The following ANGEL1 variants were observed in gnomAD, a reference collection of about 807,000 sequenced individuals.
ANGEL1 encodes angel homolog 1, also known as RNA 2',3'-cyclic phosphatase ANGEL1.
A neutral mutation model predicts 76.4 loss-of-function variants in ANGEL1; 62 were observed. That is an observed-to-expected ratio of 0.81 (90% CI 0.66 to 1.00). The LOEUF is 1.00. Among genes scored for constraint, ANGEL1 ranks in the 50% least tolerant of loss-of-function variants. The pLI is 0.00. For missense variants in ANGEL1, 737 were observed against 836.7 expected (o/e 0.88, Z 1.47); for synonymous variants, 340 against 331.7 (o/e 1.03, Z -0.27).
At chr14:76,791,116 G>A (rs1025144301) in intron 8 of ANGEL1, among the ~76,000 whole-genome samples, 181 bp downstream of exon 8, 3 of 152,166 alleles carry the variant, frequency 2.0e-5, no homozygotes, top group African/African-American at 7.2e-5. Context: ...AGTAACATGG[G>A]TGGGTCACCT....
chr14:76,804,569 C>G (rs1329528527), intron 5 of ANGEL1: 4 of 509,138 alleles, frequency 7.9e-6, no homozygotes, highest in Non-Finnish European at 1.0e-5. Context: ...GATAGAGCAG[C>G]AATAGACAGA....
intron 5 of ANGEL1, among the ~76,000 whole-genome samples, chr14:76,805,462 G>A (rs547168761): frequency 1.1e-4 from 16 of 152,266 alleles, no homozygotes; most frequent in Admixed American, 2.6e-4. Flanking sequence ...TCCCATGTGC[G>A]CAACAGTAAT....
chr14:76,807,971 T>TTAA lies in ANGEL1; in HGVS notation c.826_827insTTA (p.Trp275_Asn276insIle), dbSNP rs771820919. 5 of 1,614,066 alleles carry TTAA rather than the reference T, an allele frequency of 3.1e-6. No individual in the cohort carries two copies. Among genetic ancestry groups the TTAA allele is most frequent in the Non-Finnish European group, 4.2e-6 (5 of 1,180,044 alleles). On this transcript the variant is annotated inframe_insertion, in exon 3 of 10. Coordinates refer to ENST00000251089, the MANE Select transcript of ANGEL1 (RefSeq NM_015305.4). ...CTGCATGAGGTTCACGAAGCGATAG[T>TTAA]TCCAATTGAGGATGTCTGGATGGCA...
At chr14:76,795,910 C>T (rs946196482) in intron 7 of ANGEL1, among the ~76,000 whole-genome samples, 4 of 152,210 alleles carry the variant, frequency 2.6e-5, no homozygotes, top group African/African-American at 9.6e-5. Context: ...AAGCAACCAA[C>T]TCTTAAGAAT....
rs1161085962 is a variant in ANGEL1, at chr14:76,806,353, T to C, written c.1380+63A>G. ...GTCCCTGCCACAGAAGAAGCACTGA[T>C]GCTAACGCCTGAATCTCTCTTAGAC... is the stretch of plus-strand genomic sequence containing the variant. On this transcript the variant is annotated intron_variant, in intron 5 of 9. Coordinates refer to ENST00000251089, the MANE Select transcript of ANGEL1 (RefSeq NM_015305.4). 3.9e-6 allele frequency: 6 copies of C among 1,528,792 alleles called. No individual in the cohort carries two copies. The East Asian group carries it at 9.1e-5, about 23-fold the overall frequency. The allele number at this position is 1,528,792 out of a possible 1,614,324, so 94.7% of individuals were successfully genotyped here.
At chr14:76,792,794 A>G (rs933665536) in intron 7 of ANGEL1, among the ~76,000 whole-genome samples, 1 of 152,232 alleles carries the variant, frequency 6.6e-6, no homozygotes, top group Non-Finnish European at 1.5e-5. Flanking sequence ...ATCATACTTA[A>G]TGGTGAAAGA....
chr14:76,789,378 C>T lies in ANGEL1; in HGVS notation c.1863G>A (p.Leu621=), dbSNP rs1229820239. The T allele has an allele frequency of 6.2e-7, 1 of 1,614,162 alleles. No individual in the cohort carries two copies. Among genetic ancestry groups the T allele is most frequent in the Non-Finnish European group, 8.5e-7 (1 of 1,180,014 alleles). ...GGAGCTTGAGAGTTCCATCTCGATA[C>T]AGCCTGTGATCTGGGGCACAAAGCA... ...CENGNRTDHR[L]YRDGTLKLLG... Residue 621 remains leucine, a synonymous_variant, in exon 10 of 10, where the codon CTG becomes CTA. Coordinates refer to ENST00000251089, the MANE Select transcript of ANGEL1 (RefSeq NM_015305.4).
Position 76,791,286 on chromosome 14 carries a change from GAGA to G in ANGEL1, c.1688+8_1688+10del, listed in dbSNP as rs760371840. On this transcript the variant is annotated splice_region_variant and intron_variant, in intron 8 of 9. Coordinates refer to ENST00000251089, the MANE Select transcript of ANGEL1 (RefSeq NM_015305.4). ...CTGGATTGAAAACAGAAGAGAACTG[GAGA>G]AGGTTACCTGGAGAAGGCAGGCTCA... 1 of 1,614,002 alleles carries G rather than the reference GAGA, an allele frequency of 6.2e-7. No homozygotes were observed. The highest frequency in any genetic ancestry group is 8.5e-7 in the Non-Finnish European group (1 of 1,179,920).
chr14:76,809,703 C>T (rs988139824), intron 1 of ANGEL1, 60 bp from the exon 2 acceptor site: 1 of 1,421,054 alleles, frequency 7.0e-7, no homozygotes, highest in African/African-American at 1.4e-5. Flanking sequence ...ACTATTCTCC[C>T]AGCTAAAACA....
rs774701832 is a variant in ANGEL1 at position 76,790,593 on chromosome 14, A to G, written c.1852+18T>C. On this transcript the variant is annotated intron_variant, in intron 9 of 9. Coordinates refer to ENST00000251089, the MANE Select transcript of ANGEL1 (RefSeq NM_015305.4). ...CAGGGACCTGGGGGTGGAGGAACCC[A>G]GGATCCATCAGGCTTACCAGTTCTG... The G allele has an allele frequency of 6.2e-7, 1 of 1,600,840 alleles. No homozygotes were observed. Among genetic ancestry groups the G allele is most frequent in the Admixed American group, 1.7e-5 (1 of 59,044 alleles).
chr14:76,791,658 C>A (rs540272464), intron 7 of ANGEL1, among the ~76,000 whole-genome samples: 128 of 152,228 alleles, frequency 8.4e-4, no homozygotes, highest in African/African-American at 3.0e-3. Flanking sequence ...GGTACAAAAT[C>A]AAAATGTAGC....
At chr14:76,792,968 G>A (rs141314755) in intron 7 of ANGEL1, among the ~76,000 whole-genome samples, 2 of 152,090 alleles carry the variant, frequency 1.3e-5, no homozygotes, top group Admixed American at 6.5e-5. Flanking sequence ...TTTGTAAGAT[G>A]ACATGATCTT....
rs765129962 is a variant in ANGEL1 at position 76,809,241 on chromosome 14, G to A, written c.467C>T (p.Pro156Leu). 1.7e-5 allele frequency: 28 copies of A among 1,612,952 alleles called. No homozygotes were observed. The highest frequency in any genetic ancestry group is 4.0e-5 in the African/African-American group (3 of 74,894). The change falls in exon 2 of 10, where the codon CCC (proline) becomes CTC (leucine). Residue 156 changes from proline to leucine, a missense_variant. By Grantham distance (98) the Pro-to-Leu change is moderately conservative. This residue lies in a region of ANGEL1 where 441 missense variants were observed against 449.5 expected (regional missense o/e 0.98). Transcript: ENST00000251089. ...MWAAIPMQSE[P>L]QYADCAALPV... ...GAGGGCAGCACAGTCTGCATACTGG[G>A]GCTCCGACTGCATGGGGATAGCTGC...
chr14:76,796,405 G>T (rs553467306), intron 7 of ANGEL1, among the ~76,000 whole-genome samples: 2 of 151,462 alleles, frequency 1.3e-5, no homozygotes, highest in South Asian at 4.2e-4. Flanking sequence ...ATGCCACTAC[G>T]CCAGGCTAAT....
chr14:76,807,550 A>T (rs1262324391), intron 3 of ANGEL1, 48 bp from the exon 4 acceptor site: 6 of 1,585,586 alleles, frequency 3.8e-6, no homozygotes, highest in African/African-American at 1.3e-5. Context: ...CTGGAATGTG[A>T]CCCCCACCCT....
chr14:76,793,421 A>G (rs1387782335), intron 7 of ANGEL1, among the ~76,000 whole-genome samples: 17 of 50,926 alleles, frequency 3.3e-4, no homozygotes, highest in East Asian at 5.9e-4. Flanking sequence ...AGGAAAGAGG[A>G]GAGGGGAGGA....
At position 76,788,438 on chromosome 14, in the gene ANGEL1, C is replaced by T; in HGVS notation, c.*790G>A. 6.6e-6 allele frequency: 1 copy of T among 152,484 alleles called. No individual in the cohort carries two copies. The highest frequency in any genetic ancestry group is 1.5e-5 in the Non-Finnish European group (1 of 68,134). The allele number at this position is 152,484 out of a possible 1,614,324, so 9.4% of individuals were successfully genotyped here. A position where few individuals can be genotyped will look rare whatever the true frequency, so the allele number is the denominator to read the frequency against. On this transcript the variant is annotated 3_prime_UTR_variant, in exon 10 of 10. Transcript: ENST00000251089. ...CAGGGAAGCCTGGGGAAAGGGATGG[C>T]CCTTGTGAAATTACACCAGGTCTGT...
intron 1 of ANGEL1, chr14:76,812,298 A>G: frequency 1.0e-6 from 1 of 993,012 alleles, no homozygotes; most frequent in Non-Finnish European, 1.2e-6. Flanking sequence ...GCGAGTGTGA[A>G]GTTAACCTGG....
chr14:76,791,636 A>G lies in ANGEL1; in HGVS notation c.1619-270T>C, dbSNP rs989849557. ...TAATTTGATTAAAAAAAAATAAGTC[A>G]TATAGTCACATGGTACAAAATCAAA... On this transcript the variant is annotated intron_variant, in intron 7 of 9. Transcript: ENST00000251089. Among the ~76,000 whole-genome samples the G allele has an allele frequency of 2.0e-5, 3 of 152,214 alleles. 1 individual carries two copies. The highest frequency in any genetic ancestry group is 4.1e-4 in the South Asian group (2 of 4,822).
Sources: allele counts gnomAD v4.1 joint callset (sites outside exome capture counted in the v4.1 genomes callset), GRCh38; gene constraint gnomAD v4.1.1; regional missense constraint gnomAD v4.1.1; transcripts MANE v1.5; gene names NCBI Gene and HGNC (gene_info 2026-07-23, HGNC 2026-07-21).